The following RAVER1 variants were observed in gnomAD, a reference collection of about 807,000 sequenced individuals.
RAVER1 encodes ribonucleoprotein PTB-binding 1.
In RAVER1, 36 loss-of-function variants were observed where a neutral mutation model predicts 68.4. The observed-to-expected ratio is 0.53, with a 90% CI of 0.40 to 0.70. The LOEUF (loss-of-function observed/expected upper bound fraction) is 0.70, where lower values mean the gene tolerates loss of function less well. Ranked by LOEUF, RAVER1 falls within the 30% of genes least tolerant of loss-of-function variation. The probability of loss-of-function intolerance (pLI) is 0.00; values close to 1 mark genes in which losing one functional copy is unlikely to be tolerated. For synonymous variants in RAVER1, 469 were observed against 472.7 expected (o/e 0.99, Z 0.10); for missense variants, 933 against 1,019.8 (o/e 0.91, Z 1.16).
chr19:10,332,033 C>T (rs891821023), intron 1 of RAVER1, among the ~76,000 whole-genome samples: 9 of 152,062 alleles, frequency 5.9e-5, no homozygotes, highest in African/African-American at 2.2e-4. Context: ...CTTGTTCTGT[C>T]ACCTAGGCTA....
Position 10,317,384 on chromosome 19 carries a change from C to G in RAVER1, c.*70G>C. On this transcript the variant is annotated 3_prime_UTR_variant, in exon 13 of 13. Transcript: ENST00000617231. The surrounding 1 kb of genome is among the most constrained non-coding windows in gnomAD (Gnocchi z 4.3). ...GAGAGAAAATGGTTTAAAAAAAACA[C>G]AAAACAAAACATCAGAAAACCCAAA... is the stretch of plus-strand genomic sequence containing the variant. 1 of 1,522,506 alleles carries G rather than the reference C, an allele frequency of 6.6e-7. No individual in the cohort carries two copies. 94.3% of individuals were successfully genotyped at this position (1,522,506 alleles called of 1,614,324 possible).
At position 10,316,264 on chromosome 19, in the gene RAVER1, G is replaced by A; in HGVS notation, c.*1190C>T. 1.5e-6 allele frequency: 2 copies of A among 1,307,280 alleles called. No individual in the cohort carries two copies. The highest frequency in any genetic ancestry group is 1.8e-5 in the South Asian group (1 of 54,146). 81.0% of individuals were successfully genotyped at this position (1,307,280 alleles called of 1,614,324 possible). ...TTTAATTCAGCAAAGGTCCGTGTGGGGAGACTGGGGTGGGGTCGGGGGAAT... is the reference window on the plus strand; with the variant it reads ...TTTAATTCAGCAAAGGTCCGTGTGGAGAGACTGGGGTGGGGTCGGGGGAAT... On this transcript the variant is annotated 3_prime_UTR_variant, in exon 13 of 13. Transcript: ENST00000617231.
At chr19:10,332,636 C>G (rs1568314628) in intron 1 of RAVER1, among the ~76,000 whole-genome samples, 1 of 152,190 alleles carries the variant, frequency 6.6e-6, no homozygotes, top group South Asian at 2.1e-4. Context: ...CATTGGGAAG[C>G]GCTGCCCCAT....
chr19:10,318,521 G>GC, intron 10 of RAVER1, 149 bp from the exon 11 acceptor site: 1 of 607,466 alleles, frequency 1.6e-6, no homozygotes. Context: ...ACCATGCCCA[G>GC]CTAATTTTTT....
rs2040388001 is a variant in RAVER1 at position 10,316,397 on chromosome 19, G to C, written c.*1057C>G. 1 of 1,043,222 alleles carries C rather than the reference G, an allele frequency of 9.6e-7. No homozygotes were observed. The highest frequency in any genetic ancestry group is 1.2e-6 in the Non-Finnish European group (1 of 867,000). 64.6% of individuals were successfully genotyped at this position (1,043,222 alleles called of 1,614,324 possible). ...CACCTCAGGTCGACAGGTCCTGCTG[G>C]TGGGCGGGCCCAGAGTTTATCTTCA... On this transcript the variant is annotated 3_prime_UTR_variant, in exon 13 of 13. Coordinates refer to ENST00000617231, the MANE Select transcript of RAVER1 (RefSeq NM_133452.3).
At position 10,320,937 on chromosome 19, in the gene RAVER1, C is replaced by T; in HGVS notation, c.1488G>A (p.Gly496=). 1 of 1,492,618 alleles carries T rather than the reference C, an allele frequency of 6.7e-7. No individual in the cohort carries two copies. Among genetic ancestry groups the T allele is most frequent in the Non-Finnish European group, 8.9e-7 (1 of 1,127,320 alleles). 92.5% of individuals were successfully genotyped at this position (1,492,618 alleles called of 1,614,324 possible). Residue 496 remains glycine, a synonymous_variant, in exon 9 of 13, where the codon GGG becomes GGA. Transcript: ENST00000617231. ...GAATCCGGTAGTCCTTGGGGGGCTCCCCCAGCAGTGAGACCTGTGGCGGGA... is the reference window on the plus strand; with the variant it reads ...GAATCCGGTAGTCCTTGGGGGGCTCTCCCAGCAGTGAGACCTGTGGCGGGA... ...LPTPPGVSLL[G]EPPKDYRIPL...
In RAVER1 at chr19:10,323,542, G is replaced by T; in HGVS notation, c.781C>A (p.Leu261Met). The change falls in exon 4 of 13, where the codon CTG becomes ATG. Residue 261 changes from leucine to methionine, a missense_variant. Physicochemically the swap from Leu to Met is conservative, Grantham distance 15. Around this residue, in one of 3 missense-constraint regions of RAVER1, gnomAD observed 699 missense variants for 731.1 expected, o/e 0.96. Coordinates refer to ENST00000617231, the MANE Select transcript of RAVER1 (RefSeq NM_133452.3). The surrounding 1 kb of genome is among the most constrained non-coding windows in gnomAD (Gnocchi z 6.2). ...TACTCCAGCACCGCGAAGCCCTTCA[G>T]CTGCCCATCCTGGCCGCACGCCAGC... The part of the protein sequence containing the change: ...CQLACGQDGQ[L>M]KGFAVLEYET... 6.3e-7 allele frequency: 1 copy of T among 1,598,392 alleles called. No individual in the cohort carries two copies.
At position 10,323,094 on chromosome 19, in the gene RAVER1, C is replaced by T. The variant is rs557803968; in HGVS notation, c.1078+51G>A. The T allele has an allele frequency of 5.3e-5, 76 of 1,446,206 alleles. 1 individual carries two copies. In the African/African-American group the frequency reaches 5.3e-4, roughly 10 times the overall value. The allele number at this position is 1,446,206 out of a possible 1,614,324, so 89.6% of individuals were successfully genotyped here. Reference sequence around the variant, plus strand: ...CAGTTTCGGGAAGTGCCGGGGGCAGCGCTGCAGCCCCTGTTCTGCACAGTG... The same window carrying T: ...CAGTTTCGGGAAGTGCCGGGGGCAGTGCTGCAGCCCCTGTTCTGCACAGTG... On this transcript the variant is annotated intron_variant, in intron 5 of 12. Transcript: ENST00000617231. This position sits in a 1 kb window ranked among gnomAD's most constrained non-coding sequence, Gnocchi z 6.2.
At position 10,329,900 on chromosome 19, in the gene RAVER1, T is replaced by C. The variant is rs1047382304; in HGVS notation, c.286+560A>G. Reference sequence around the variant, plus strand: ...CTGCTGTTTCTTGAGCATGGAACACTGAGCCCCACCTCCTCACCTGGTTAA... The same window carrying C: ...CTGCTGTTTCTTGAGCATGGAACACCGAGCCCCACCTCCTCACCTGGTTAA... On this transcript the variant is annotated intron_variant, in intron 2 of 12. Coordinates refer to ENST00000617231, the MANE Select transcript of RAVER1 (RefSeq NM_133452.3). This position sits in a 1 kb window ranked among gnomAD's most constrained non-coding sequence, Gnocchi z 4.6. Among the ~76,000 whole-genome samples, 2 of 151,936 alleles carry C rather than the reference T, an allele frequency of 1.3e-5. No homozygotes were observed. The highest frequency in any genetic ancestry group is 4.2e-4 in the South Asian group (2 of 4,816).
Position 10,322,335 on chromosome 19 carries a change from C to T in RAVER1, c.1173+310G>A, listed in dbSNP as rs1372247597. The T allele has an allele frequency of 1.0e-5, 4 of 384,286 alleles. No homozygotes were observed. The highest frequency in any genetic ancestry group is 1.0e-4 in the Admixed American group (2 of 19,974). 23.8% of individuals were successfully genotyped at this position (384,286 alleles called of 1,614,324 possible). ...CTATTCACAAACTGGTGCCCAGCAG[C>T]GGCGCTCCCAGCCCACACCCAGTTT... On this transcript the variant is annotated intron_variant, in intron 6 of 12. Coordinates refer to ENST00000617231, the MANE Select transcript of RAVER1 (RefSeq NM_133452.3). The surrounding 1 kb of genome is among the most constrained non-coding windows in gnomAD (Gnocchi z 4.3).
chr19:10,331,684 CAAAAAAA>C (rs61614587), intron 1 of RAVER1, among the ~76,000 whole-genome samples: 18 of 73,286 alleles, frequency 2.5e-4, no homozygotes, highest in Non-Finnish European at 3.6e-4. Flanking sequence ...GACTCCGTCT[CAAAAAAA>C]AAAAAAAAAA....
chr19:10,321,106 C>T lies in RAVER1; in HGVS notation c.1415G>A (p.Arg472Gln), dbSNP rs775046616. 48 of 1,319,134 alleles carry T rather than the reference C, an allele frequency of 3.6e-5. No homozygotes were observed. The highest frequency in any genetic ancestry group is 3.4e-4 in the East Asian group (11 of 32,246). The allele number at this position is 1,319,134 out of a possible 1,614,324, so 81.7% of individuals were successfully genotyped here. ...CTGGAGGCCTCTGAGGCCAGAGCCT[C>T]GGAGCCCCACAGGGGCGGGGGGAGG... ...LTPPPAPVGL[R>Q]GSGLRGLQKD... Residue 472 changes from arginine (R) to glutamine (Q), a missense_variant, in exon 8 of 13, where the codon CGA becomes CAA. By Grantham distance (43) the Arg-to-Gln change is conservative. This residue lies in a region of RAVER1 where 699 missense variants were observed against 731.1 expected (regional missense o/e 0.96). Transcript: ENST00000617231.
chr19:10,331,403 A>C (rs1367030687), intron 1 of RAVER1, among the ~76,000 whole-genome samples: 1 of 147,636 alleles, frequency 6.8e-6, no homozygotes, highest in Non-Finnish European at 1.5e-5. Context: ...CAAAAAAAAA[A>C]AAAAAAAAAG....
At position 10,328,653 on chromosome 19, in the gene RAVER1, T is replaced by C; in HGVS notation, c.745A>G (p.Thr249Ala). 1 of 1,558,622 alleles carries C rather than the reference T, an allele frequency of 6.4e-7. No individual in the cohort carries two copies. Among genetic ancestry groups the C allele is most frequent in the Non-Finnish European group, 8.7e-7 (1 of 1,151,466 alleles). Residue 249 changes from threonine (T) to alanine (A), a missense_variant, in exon 3 of 13, where the codon ACC (threonine) becomes GCC (alanine). Coordinates refer to ENST00000617231, the MANE Select transcript of RAVER1 (RefSeq NM_133452.3). This position sits in a 1 kb window ranked among gnomAD's most constrained non-coding sequence, Gnocchi z 4.4. The part of the protein sequence containing the change: ...CRALSAVHSP[T>A]FCQLACGQDG... ...TCCACAGGGCTCACCTGGCAGAAGG[T>C]GGGGCTGTGGACAGCTGACAGCGCC...
Position 10,319,150 on chromosome 19 carries a change from AC to A in RAVER1, c.1845+15del, listed in dbSNP as rs777195305. 8.1e-6 allele frequency: 13 copies of A among 1,612,928 alleles called. No individual in the cohort carries two copies. Among genetic ancestry groups the A allele is most frequent in the Non-Finnish European group, 1.1e-5 (13 of 1,179,132 alleles). On this transcript the variant is annotated intron_variant, in intron 10 of 12. Transcript: ENST00000617231. The stretch of plus-strand genomic sequence containing the variant: ...AAAAGCTGATTGCTACACATGCCAT[AC>A]CAGGTGGCTCTTACCTTGTGTCGGC...
rs764962885 is a variant in RAVER1 at position 10,317,621 on chromosome 19, G to A, written c.2074-21C>T. 1.5e-5 allele frequency: 24 copies of A among 1,585,730 alleles called. No homozygotes were observed. The highest frequency in any genetic ancestry group is 3.6e-5 in the Admixed American group (2 of 56,126). On this transcript the variant is annotated intron_variant, in intron 12 of 12. Transcript: ENST00000617231. The surrounding 1 kb of genome is among the most constrained non-coding windows in gnomAD (Gnocchi z 4.3). ...GGGGTCTGGAGACAGAGGGCAGGGC[G>A]GGGCGGGTCAGGGGCCGCTGGGGGG...
chr19:10,323,093 G>A lies in RAVER1; in HGVS notation c.1078+52C>T. The A allele has an allele frequency of 6.9e-7, 1 of 1,441,678 alleles. No individual in the cohort carries two copies. Among genetic ancestry groups the A allele is most frequent in the South Asian group, 1.3e-5 (1 of 74,310 alleles). 89.3% of individuals were successfully genotyped at this position (1,441,678 alleles called of 1,614,324 possible). On this transcript the variant is annotated intron_variant, in intron 5 of 12. Transcript: ENST00000617231. The surrounding 1 kb of genome is among the most constrained non-coding windows in gnomAD (Gnocchi z 6.2). ...GCAGTTTCGGGAAGTGCCGGGGGCA[G>A]CGCTGCAGCCCCTGTTCTGCACAGT...
At chr19:10,318,461 C>G in intron 10 of RAVER1, 89 bp from the exon 11 acceptor site, 1 of 987,920 alleles carries the variant, frequency 1.0e-6, no homozygotes, top group Admixed American at 3.1e-5. Context: ...CAGGTTCAAG[C>G]GATTCTCCTG....
chr19:10,332,819 C>T (rs974567257), intron 1 of RAVER1, among the ~76,000 whole-genome samples: 5 of 152,232 alleles, frequency 3.3e-5, no homozygotes, highest in East Asian at 1.9e-4. Flanking sequence ...TGTTAACTTC[C>T]GGATTTATCT....
Sources: gnomAD v4.1 joint callset for allele counts (sites outside exome capture counted in the v4.1 genomes callset) on GRCh38, gnomAD v4.1.1 for gene constraint, gnomAD v4.1.1 regional missense constraint, Gnocchi (gnomAD v3.1) non-coding constraint, MANE v1.5 for transcripts, NCBI Gene and HGNC (gene_info 2026-07-23, HGNC 2026-07-21) for gene names.